RIPOR2: variants seen among roughly 807,000 people sequenced by gnomAD.
RIPOR2 encodes the protein rho family-interacting cell polarization regulator 2.
Under a neutral mutation model 114.5 loss-of-function variants are expected in RIPOR2, and 39 were observed. The ratio of observed to expected loss-of-function variants is 0.34; its 90% CI spans 0.26 to 0.44. RIPOR2 has a LOEUF of 0.44. Among genes scored for constraint, RIPOR2 ranks in the 20% least tolerant of loss-of-function variants. The pLI, the probability that RIPOR2 is intolerant of heterozygous loss-of-function variation, is 1.00. For missense variants in RIPOR2, 1,007 were observed against 1,255.1 expected (o/e 0.80, Z 2.99); for synonymous variants, 445 against 484.4 (o/e 0.92, Z 1.07).
chr6:24,822,766 C>T (rs190872313), intron 19 of RIPOR2, among the ~76,000 whole-genome samples: 18 of 152,270 alleles, frequency 1.2e-4, no homozygotes, highest in Admixed American at 3.3e-4. Context: ...GTGATCCACC[C>T]GCCTCGGCTT....
chr6:25,026,698 C>T (rs576474520), intron 1 of RIPOR2, among the ~76,000 whole-genome samples: 1 of 152,200 alleles, frequency 6.6e-6, no homozygotes, highest in East Asian at 1.9e-4. Context: ...AATTTATGAC[C>T]ATTCATTGTC....
chr6:25,039,672 T>C (rs949711817), intron 1 of RIPOR2, among the ~76,000 whole-genome samples: 3 of 152,230 alleles, frequency 2.0e-5, no homozygotes, highest in Non-Finnish European at 4.4e-5. Context: ...AGTGAAACCA[T>C]GCAGATCCAT....
intron 1 of RIPOR2, among the ~76,000 whole-genome samples, chr6:24,987,531 A>G (rs1242457477): frequency 2.6e-5 from 4 of 152,220 alleles, no homozygotes; most frequent in East Asian, 1.9e-4. Flanking sequence ...CTCAAATCAC[A>G]TATTTGATTA....
chr6:25,005,155 G>A (rs1775495875), intron 1 of RIPOR2, among the ~76,000 whole-genome samples: 1 of 152,074 alleles, frequency 6.6e-6, no homozygotes, highest in South Asian at 2.1e-4. Flanking sequence ...TCCCTATCTG[G>A]CAGAGCTAAC....
intron 1 of RIPOR2, among the ~76,000 whole-genome samples, chr6:25,005,780 C>A (rs1775540055): frequency 1.6e-5 from 2 of 128,068 alleles, no homozygotes; most frequent in African/African-American, 5.5e-5. Context: ...TATACATCAC[C>A]TTCTTCTCCT....
chr6:24,828,029 T>C (rs1760336477), intron 18 of RIPOR2, 108 bp downstream of exon 18: 1 of 1,001,836 alleles, frequency 1.0e-6, no homozygotes, highest in African/African-American at 1.7e-5. Flanking sequence ...ACCTCTACTG[T>C]GGACTTGAAA....
intron 9 of RIPOR2, 110 bp downstream of exon 9, chr6:24,852,465 T>C (rs1348126915): frequency 3.4e-6 from 3 of 875,718 alleles, no homozygotes; most frequent in Non-Finnish European, 5.5e-6. Flanking sequence ...TTTTTCAAAA[T>C]TAAAAATTAA....
Position 24,988,399 on chromosome 6 carries a change from GCTGACCCCAGGTAAT to G in RIPOR2, c.76+53437_76+53451del, listed in dbSNP as rs1032043180. Among the ~76,000 whole-genome samples, 3 of 152,160 alleles carry G rather than the reference GCTGACCCCAGGTAAT, an allele frequency of 2.0e-5. No individual in the cohort carries two copies. The East Asian group carries it at 5.8e-4, about 29-fold the overall frequency. On this transcript the variant is annotated intron_variant, in intron 1 of 13. Transcript: ENST00000510784. ...ATGTTGGCCAGGCTGGTCTCAAACTGCTGACCCCAGGTAATCTGCCCTCCTTGGCCTCCCAAAGTG... is the reference window on the plus strand; with the variant it reads ...ATGTTGGCCAGGCTGGTCTCAAACTGCTGCCCTCCTTGGCCTCCCAAAGTG...
intron 14 of RIPOR2, 71 bp from the exon 15 acceptor site, chr6:24,835,942 T>A: frequency 6.9e-7 from 1 of 1,455,208 alleles, no homozygotes; most frequent in South Asian, 1.2e-5. Flanking sequence ...CCACATGGTT[T>A]GCATCGGGCC....
chr6:24,873,035 C>T, intron 3 of RIPOR2, 76 bp from the exon 4 acceptor site: 1 of 990,148 alleles, frequency 1.0e-6, no homozygotes, highest in Non-Finnish European at 1.6e-6. Context: ...CTGACTTTTC[C>T]TTCTCAAAGG....
intron 1 of RIPOR2, among the ~76,000 whole-genome samples, chr6:24,962,228 G>C (rs1002438443): frequency 1.3e-5 from 2 of 152,226 alleles, no homozygotes; most frequent in African/African-American, 4.8e-5. Flanking sequence ...TCTGGCAACT[G>C]AGATTCTTTT....
intron 12 of RIPOR2, among the ~76,000 whole-genome samples, chr6:24,847,200 A>G (rs1409798937): frequency 1.3e-5 from 2 of 152,068 alleles, no homozygotes; most frequent in Admixed American, 1.3e-4. Context: ...CGATCCACCC[A>G]CCTCAGCCTC....
At chr6:24,872,421 G>T (rs1016088759) in intron 4 of RIPOR2, among the ~76,000 whole-genome samples, 1 of 151,852 alleles carries the variant, frequency 6.6e-6, no homozygotes, top group African/African-American at 2.4e-5. Flanking sequence ...GTCTCACTTT[G>T]TTGCTCAGGC....
At chr6:24,931,769 A>C (rs2114147536) in intron 1 of RIPOR2, 1 of 152,328 alleles carries the variant, frequency 6.6e-6, no homozygotes, top group Non-Finnish European at 1.5e-5. Flanking sequence ...TAATCATTGC[A>C]CCTGACAAAA....
chr6:24,849,464 A>G (rs1360318879), intron 11 of RIPOR2, among the ~76,000 whole-genome samples: 1 of 152,160 alleles, frequency 6.6e-6, no homozygotes, highest in Non-Finnish European at 1.5e-5. Context: ...TTTTCTTTCA[A>G]ATTAGTTTAC....
At chr6:24,999,917 G>A (rs1449030982) in intron 1 of RIPOR2, among the ~76,000 whole-genome samples, 4 of 152,122 alleles carry the variant, frequency 2.6e-5, no homozygotes, top group Non-Finnish European at 4.4e-5. Context: ...AGCTGGAGTC[G>A]AGGTCTCAAC....
intron 4 of RIPOR2, among the ~76,000 whole-genome samples, chr6:24,871,496 C>T (rs1478693883): frequency 2.0e-5 from 3 of 152,156 alleles, no homozygotes; most frequent in Non-Finnish European, 4.4e-5. Context: ...GGATTACAGG[C>T]ACCCACCACC....
At chr6:24,832,022 G>A (rs11968283) in intron 16 of RIPOR2, among the ~76,000 whole-genome samples, 1 of 152,110 alleles carries the variant, frequency 6.6e-6, no homozygotes. Flanking sequence ...TTTGTTTCTG[G>A]GTCTGACTTC....
chr6:24,852,635 G>A lies in RIPOR2; in HGVS notation c.716-17C>T, dbSNP rs2113789877. Reference sequence around the variant, plus strand: ...CAGCCAGACCTGTAACCAAGAAATTGGAAGGTGAGGTGTAGAACATATTTC... The same window carrying A: ...CAGCCAGACCTGTAACCAAGAAATTAGAAGGTGAGGTGTAGAACATATTTC... On this transcript the variant is annotated splice_polypyrimidine_tract_variant and intron_variant, in intron 8 of 21. Transcript: ENST00000643898. The A allele has an allele frequency of 1.3e-6, 2 of 1,581,098 alleles. No individual in the cohort carries two copies. Among genetic ancestry groups the A allele is most frequent in the East Asian group, 4.5e-5 (2 of 44,198 alleles).
Sources: allele counts gnomAD v4.1 joint callset (sites outside exome capture counted in the v4.1 genomes callset), GRCh38; gene constraint gnomAD v4.1.1; transcripts MANE v1.5; gene names NCBI Gene and HGNC (gene_info 2026-07-23, HGNC 2026-07-21).